Variants in CADPS2 observed in about 807,000 individuals in gnomAD.
The protein encoded by CADPS2 is calcium dependent secretion activator 2.
In CADPS2, 93 loss-of-function variants were observed where a neutral mutation model predicts 172.5. That is an observed-to-expected ratio of 0.54 (90% CI 0.46 to 0.64). CADPS2 has a LOEUF of 0.64. CADPS2 is among the 30% of genes least tolerant of loss of function. The pLI is 0.00. For missense variants in CADPS2, 1,420 were observed against 1,565.9 expected, an observed-to-expected ratio of 0.91 and a Z score of 1.57; for synonymous variants, 546 against 555.2, an observed-to-expected ratio of 0.98 and a Z score of 0.23.
At chr7:122,669,353 A>AT (rs1420234385) in intron 2 of CADPS2, among the ~76,000 whole-genome samples, 98 of 81,438 alleles carry the variant, frequency 1.2e-3, no homozygotes, top group African/African-American at 4.5e-3. Context: ...ATATATATAT[A>AT]TATTTTTTTT....
At chr7:122,516,653 T>G (rs1404621749) in intron 8 of CADPS2, among the ~76,000 whole-genome samples, 1 of 152,066 alleles carries the variant, frequency 6.6e-6, no homozygotes, top group African/African-American at 2.4e-5. Context: ...ATTTTGCCAT[T>G]AAAAGTGAGG....
chr7:122,334,477 T>C (rs1479335308), intron 28 of CADPS2, among the ~76,000 whole-genome samples: 1 of 152,230 alleles, frequency 6.6e-6, no homozygotes, highest in Non-Finnish European at 1.5e-5. Context: ...AAAAATATTG[T>C]TGCTGTGGAA....
chr7:122,646,648 G>A (rs752135835), intron 3 of CADPS2, among the ~76,000 whole-genome samples: 2 of 152,078 alleles, frequency 1.3e-5, no homozygotes, highest in Admixed American at 1.3e-4. Context: ...TACATGAGAA[G>A]GAACAGTTGA....
At chr7:122,458,118 C>A (rs1181942441) in intron 14 of CADPS2, among the ~76,000 whole-genome samples, 1 of 152,172 alleles carries the variant, frequency 6.6e-6, no homozygotes, top group East Asian at 1.9e-4. Context: ...ATGAGGAATG[C>A]ATGACATCTT....
At chr7:122,798,609 A>G (rs755050377) in intron 1 of CADPS2, among the ~76,000 whole-genome samples, 2 of 152,294 alleles carry the variant, frequency 1.3e-5, no homozygotes, top group Admixed American at 6.5e-5. Context: ...AAAAGTCTCA[A>G]TGAGGGCCCC....
intron 28 of CADPS2, among the ~76,000 whole-genome samples, chr7:122,331,417 C>G (rs558076439): frequency 4.1e-4 from 62 of 152,160 alleles, no homozygotes; most frequent in Non-Finnish European, 7.4e-4. Flanking sequence ...GTGGGTGGAT[C>G]ACTTGAGGCC....
At chr7:122,710,485 C>T (rs556022209) in intron 2 of CADPS2, among the ~76,000 whole-genome samples, 1 of 152,148 alleles carries the variant, frequency 6.6e-6, no homozygotes, top group Non-Finnish European at 1.5e-5. Context: ...CACATTGAGC[C>T]TCAGCTTTCT....
intron 24 of CADPS2, chr7:122,386,298 T>C (rs1361268270): frequency 6.9e-7 from 1 of 1,440,970 alleles, no homozygotes. Flanking sequence ...GACTTACCCA[T>C]TGACTACCAA....
At chr7:122,373,472 A>C in intron 25 of CADPS2, among the ~76,000 whole-genome samples, 1 of 152,170 alleles carries the variant, frequency 6.6e-6, no homozygotes, top group African/African-American at 2.4e-5. Context: ...TAATGAAATA[A>C]AACCACAATC....
chr7:122,529,233 A>G (rs988173480), intron 8 of CADPS2, among the ~76,000 whole-genome samples: 3 of 145,476 alleles, frequency 2.1e-5, no homozygotes, highest in Non-Finnish European at 1.5e-5. Flanking sequence ...TCCCACCCCA[A>G]AAAAGCAACA....
chr7:122,508,647 T>A (rs559537101), intron 9 of CADPS2, among the ~76,000 whole-genome samples: 1 of 151,782 alleles, frequency 6.6e-6, no homozygotes, highest in African/African-American at 2.4e-5. Context: ...GATTCTTATA[T>A]GTTGATATGG....
intron 1 of CADPS2, among the ~76,000 whole-genome samples, chr7:122,754,006 T>C (rs1176942182): frequency 3.9e-5 from 6 of 152,210 alleles, no homozygotes; most frequent in Non-Finnish European, 8.8e-5. Flanking sequence ...TAGGATGTGG[T>C]GCAGAGCACT....
At chr7:122,369,166 C>G (rs747850476) in intron 25 of CADPS2, among the ~76,000 whole-genome samples, 11 of 104,668 alleles carry the variant, frequency 1.1e-4, no homozygotes, top group Non-Finnish European at 1.6e-4. Flanking sequence ...GAGTCTCGCT[C>G]TGTCGCCCAG....
At chr7:122,424,883 C>A (rs2048954646) in intron 17 of CADPS2, among the ~76,000 whole-genome samples, 1 of 152,150 alleles carries the variant, frequency 6.6e-6, no homozygotes, top group Non-Finnish European at 1.5e-5. Context: ...TTACTTTGCT[C>A]TGGATAGCTC....
At chr7:122,669,797 T>C (rs2135524071) in intron 2 of CADPS2, among the ~76,000 whole-genome samples, 1 of 152,048 alleles carries the variant, frequency 6.6e-6, no homozygotes, top group Admixed American at 6.5e-5. Context: ...TCTCCAATAT[T>C]ACCTCACATC....
intron 14 of CADPS2, among the ~76,000 whole-genome samples, chr7:122,458,697 T>C (rs2054092715): frequency 6.6e-6 from 1 of 152,146 alleles, no homozygotes; most frequent in South Asian, 2.1e-4. Context: ...TAAGATCATA[T>C]TACTTCGTTT....
intron 1 of CADPS2, among the ~76,000 whole-genome samples, chr7:122,804,623 C>T (rs970356269): frequency 5.3e-5 from 8 of 152,148 alleles, no homozygotes; most frequent in Non-Finnish European, 7.4e-5. Context: ...TCTTAAACTG[C>T]GGAATTATCT....
chr7:122,715,028 C>G (rs1588678321), intron 2 of CADPS2, among the ~76,000 whole-genome samples: 1 of 152,090 alleles, frequency 6.6e-6, no homozygotes, highest in Non-Finnish European at 1.5e-5. Context: ...CCTATTGATA[C>G]CTTGACTACA....
chr7:122,677,901 T>A (rs1409654770), intron 2 of CADPS2, among the ~76,000 whole-genome samples: 1 of 152,210 alleles, frequency 6.6e-6, no homozygotes, highest in Admixed American at 6.5e-5. Context: ...TTGTCAAGCA[T>A]TCCGCAGCTT....
Sources: gnomAD v4.1 joint callset for allele counts (sites outside exome capture counted in the v4.1 genomes callset) on GRCh38, gnomAD v4.1.1 for gene constraint, MANE v1.5 for transcripts, NCBI Gene and HGNC (gene_info 2026-07-23, HGNC 2026-07-21) for gene names.